The following OR2C1 variants were observed in gnomAD, a reference collection of about 807,000 sequenced individuals.
The protein encoded by OR2C1 is olfactory receptor family 2 subfamily C member 1.
For missense variants in OR2C1, 468 were observed against 388.3 expected (o/e 1.21, Z -1.73); for synonymous variants, 209 against 167.3 (o/e 1.25, Z -1.92).
chr16:3,330,198 C>G, the OR2C1 span, among the ~76,000 whole-genome samples: 1 of 150,762 alleles, frequency 6.6e-6, no homozygotes, highest in Non-Finnish European at 1.5e-5. Flanking sequence ...GCTCTGCCTT[C>G]CAGGTTCACG....
the OR2C1 span, among the ~76,000 whole-genome samples, chr16:3,325,432 T>G: frequency 6.8e-6 from 1 of 146,974 alleles, no homozygotes; most frequent in Admixed American, 6.8e-5. Context: ...AGTATAGTCT[T>G]TAAGGGTGTA....
At chr16:3,329,661 G>A in the OR2C1 span, among the ~76,000 whole-genome samples, 2 of 151,498 alleles carry the variant, frequency 1.3e-5, no homozygotes, top group African/African-American at 4.9e-5. Flanking sequence ...GTGTTAGCCA[G>A]GATGGTCTCA....
rs1180203703 is a variant in OR2C1, at chr16:3,355,916, A to G, written c.-25A>G. ...CCAGCAGCTTGCGCTAAATGAATTC[A>G]TCAAGTGACTGAAGACAACCAGTGA... is the stretch of plus-strand genomic sequence containing the variant. On this transcript the variant is annotated 5_prime_UTR_variant, in exon 1 of 1. Transcript: ENST00000304936. The G allele has an allele frequency of 1.3e-6, 2 of 1,541,062 alleles. No homozygotes were observed. Among genetic ancestry groups the G allele is most frequent in the Middle Eastern group, 1.9e-4 (1 of 5,358 alleles).
chr16:3,353,241 C>T (rs2030602167), upstream of OR2C1, among the ~76,000 whole-genome samples: 1 of 151,744 alleles, frequency 6.6e-6, no homozygotes, highest in Admixed American at 6.6e-5. Context: ...CCTGTAATCC[C>T]AGCACTTTGG....
At chr16:3,332,940 T>C in the OR2C1 span, among the ~76,000 whole-genome samples, 4 of 152,210 alleles carry the variant, frequency 2.6e-5, no homozygotes, top group Admixed American at 2.6e-4. Context: ...TTTAGTTTTT[T>C]TGAGGAACTT....
chr16:3,338,020 G>A, the OR2C1 span, among the ~76,000 whole-genome samples: 1 of 152,286 alleles, frequency 6.6e-6, no homozygotes, highest in Non-Finnish European at 1.5e-5. Context: ...TTAAGCCCAG[G>A]TTTGCCTTGG....
the OR2C1 span, among the ~76,000 whole-genome samples, chr16:3,346,573 TA>T: frequency 6.6e-6 from 1 of 151,298 alleles, no homozygotes; most frequent in Non-Finnish European, 1.5e-5. Flanking sequence ...AAAAAATGTT[TA>T]ACTTAAACTC....
the OR2C1 span, among the ~76,000 whole-genome samples, chr16:3,349,833 C>T: frequency 0.022 from 3,336 of 151,492 alleles, 129 homozygotes; most frequent in African/African-American, 0.075. Context: ...ACCCAGGAGG[C>T]GGAGGTTGCA....
At chr16:3,352,724 CTGTT>C (rs2030591394), upstream of OR2C1, among the ~76,000 whole-genome samples, 7 of 137,722 alleles carry the variant, frequency 5.1e-5, no homozygotes, top group East Asian at 2.2e-4. Flanking sequence ...GTCTTTCTGT[CTGTT>C]TCTTTCTTTC....
In OR2C1 at chr16:3,355,959, A is replaced by C; in HGVS notation, c.19A>C (p.Ser7Arg). ...ACCAGTGATGGACGGGGTGAATGAT[A>C]GCTCCTTGCAGGGCTTTGTTCTGAT... MDGVND[S>R]SLQGFVLMGI... The change falls in exon 1 of 1, where the codon AGC becomes CGC. Residue 7 changes from serine to arginine, a missense_variant. Coordinates refer to ENST00000304936, the MANE Select transcript of OR2C1 (RefSeq NM_012368.3). 6.2e-7 allele frequency: 1 copy of C among 1,610,396 alleles called. No homozygotes were observed. The highest frequency in any genetic ancestry group is 8.5e-7 in the Non-Finnish European group (1 of 1,177,754).
At chr16:3,357,533 A>AATTTTT, downstream of OR2C1, among the ~76,000 whole-genome samples, 1 of 152,146 alleles carries the variant, frequency 6.6e-6, no homozygotes, top group Non-Finnish European at 1.5e-5. Context: ...ACACCTAACT[A>AATTTTT]ATTTTTATTT....
chr16:3,354,904 A>C (rs1567285919), upstream of OR2C1, among the ~76,000 whole-genome samples: 1 of 152,106 alleles, frequency 6.6e-6, no homozygotes, highest in South Asian at 2.1e-4. Flanking sequence ...TGCTGGGATT[A>C]CAGGTGTGAG....
the OR2C1 span, chr16:3,323,790 C>G: frequency 1.3e-6 from 1 of 780,268 alleles, no homozygotes; most frequent in East Asian, 2.4e-5. Context: ...AACCTGAGCC[C>G]TTTTCCTTTC....
At chr16:3,325,466 T>C in the OR2C1 span, among the ~76,000 whole-genome samples, 1 of 12,620 alleles carries the variant, frequency 7.9e-5, no homozygotes, top group African/African-American at 3.4e-4. Flanking sequence ...TAAAAATATA[T>C]ATATATATAT....
At chr16:3,328,841 C>G in the OR2C1 span, among the ~76,000 whole-genome samples, 8 of 152,188 alleles carry the variant, frequency 5.3e-5, no homozygotes, top group East Asian at 1.2e-3. Flanking sequence ...GGGTGTTGCC[C>G]CACGCCCTGT....
the OR2C1 span, among the ~76,000 whole-genome samples, chr16:3,335,350 A>G: frequency 6.6e-6 from 1 of 152,048 alleles, no homozygotes; most frequent in African/African-American, 2.4e-5. Flanking sequence ...TATGCTCTTC[A>G]GTGTCTTTCA....
At chr16:3,326,151 A>C in the OR2C1 span, among the ~76,000 whole-genome samples, 1 of 151,774 alleles carries the variant, frequency 6.6e-6, no homozygotes, top group Non-Finnish European at 1.5e-5. Flanking sequence ...GGCTGGTCTT[A>C]AACTCCAGAC....
At chr16:3,329,167 A>AACACAC in the OR2C1 span, among the ~76,000 whole-genome samples, 3 of 32,602 alleles carry the variant, frequency 9.2e-5, no homozygotes, top group African/African-American at 4.6e-4. Flanking sequence ...GATGGGAGGG[A>AACACAC]AGACACACAC....
the OR2C1 span, among the ~76,000 whole-genome samples, chr16:3,335,335 G>A: frequency 1.3e-5 from 2 of 151,800 alleles, no homozygotes; most frequent in African/African-American, 4.8e-5. Context: ...CCATTTTTTG[G>A]TGTGTATGCT....
Sources: gnomAD v4.1 joint callset for allele counts (sites outside exome capture counted in the v4.1 genomes callset) on GRCh38, gnomAD v4.1.1 for gene constraint, MANE v1.5 for transcripts, NCBI Gene and HGNC (gene_info 2026-07-23, HGNC 2026-07-21) for gene names.